SRL: variants seen among roughly 807,000 people sequenced by gnomAD.
The protein encoded by SRL is sarcalumenin.
In SRL, 23 loss-of-function variants were observed where a neutral mutation model predicts 39.5. The ratio of observed to expected loss-of-function variants is 0.58; its 90% confidence interval spans 0.42 to 0.82. SRL has a LOEUF of 0.82. Ranked by LOEUF, SRL falls within the 40% of genes least tolerant of loss-of-function variation. The probability of loss-of-function intolerance (pLI) is 0.00; values close to 1 mark genes in which losing one functional copy is unlikely to be tolerated. For missense variants in SRL, 592 were observed against 607.8 expected (o/e 0.97, Z 0.27); for synonymous variants, 272 against 237.4 (o/e 1.15, Z -1.34).
At chr16:4,216,723 G>A (rs2052464930) in intron 1 of SRL, among the ~76,000 whole-genome samples, 1 of 152,178 alleles carries the variant, frequency 6.6e-6, no homozygotes, top group South Asian at 2.1e-4. Context: ...AATCCTTGCA[G>A]AAGGCCTTGG....
Position 4,195,739 on chromosome 16 carries a change from T to A in SRL, c.424A>T (p.Lys142Ter). ...ACGATGCCCTCGATGGTTTTCAGCT[T>A]AGGCCCATGCATGAGGACCGTGAAC... is the stretch of plus-strand genomic sequence containing the variant. The part of the protein sequence containing the change: ...SEFTVLMHGP[K>*]LKTIEGIVMA... The change falls in exon 5 of 6, where the codon AAG becomes TAG. Residue 142 changes from lysine to a stop codon, truncating the protein, a stop_gained. Coordinates refer to ENST00000399609, the MANE Select transcript of SRL (RefSeq NM_001098814.2). LOFTEE classifies it high-confidence loss of function. 1.2e-6 allele frequency: 2 copies of A among 1,614,058 alleles called. No individual in the cohort carries two copies. The highest frequency in any genetic ancestry group is 2.2e-5 in the South Asian group (2 of 91,082).
chr16:4,203,126 ACC>A lies in SRL; in HGVS notation c.259+38_259+39del, dbSNP rs759218425. On this transcript the variant is annotated intron_variant, in intron 3 of 5. Transcript: ENST00000399609. ...GGCCCCGCCGACAGGCCTGCGCCGTACCCGTAATCTCAAGCCCTACCTGTTAT... is the reference window on the plus strand; with the variant it reads ...GGCCCCGCCGACAGGCCTGCGCCGTACGTAATCTCAAGCCCTACCTGTTAT... The A allele has an allele frequency of 1.9e-6, 3 of 1,577,954 alleles. No individual in the cohort carries two copies. The South Asian group carries it at 3.3e-5, about 17-fold the overall frequency.
chr16:4,204,535 G>A lies in SRL; in HGVS notation c.161C>T (p.Ser54Phe), dbSNP rs754152552. 1.3e-6 allele frequency: 2 copies of A among 1,529,658 alleles called. No individual in the cohort carries two copies. The highest frequency in any genetic ancestry group is 2.5e-5 in the East Asian group (1 of 40,484). 94.8% of individuals were successfully genotyped at this position (1,529,658 alleles called of 1,614,324 possible). A position where few individuals can be genotyped will look rare whatever the true frequency, so the allele number is the denominator to read the frequency against. The stretch of plus-strand genomic sequence containing the variant: ...GCATATCTCCCTCCCCTGGTTACCA[G>A]AGTAGTCATCGGATGGCTTGTCCTC... The part of the protein sequence containing the change: ...LNEDKPSDDY[S>F]AVLQRLRKIY... The change falls in exon 2 of 6, where the codon TCT becomes TTT. Residue 54 changes from serine (S) to phenylalanine (F), a missense_variant and splice_region_variant. Physicochemically the swap from Ser to Phe is radical, Grantham distance 155. Transcript: ENST00000399609.
chr16:4,216,788 G>C (rs926189607), intron 1 of SRL, among the ~76,000 whole-genome samples: 1 of 152,170 alleles, frequency 6.6e-6, no homozygotes, highest in East Asian at 1.9e-4. Context: ...AAAGGAAGGG[G>C]AAAGGGATGC....
chr16:4,223,434 G>T (rs1481752958), intron 1 of SRL, among the ~76,000 whole-genome samples: 1 of 151,962 alleles, frequency 6.6e-6, no homozygotes, highest in Non-Finnish European at 1.5e-5. Context: ...CTGGAGTGCA[G>T]TGGTGCAATC....
chr16:4,206,985 CCA>C (rs2052328149), intron 1 of SRL: 1 of 455,270 alleles, frequency 2.2e-6, no homozygotes, highest in Non-Finnish European at 4.4e-6. Flanking sequence ...CTGTGGCGCT[CCA>C]CCTTCCTGGG....
chr16:4,218,667 TAGC>T (rs1427736028), intron 1 of SRL, among the ~76,000 whole-genome samples: 1 of 152,138 alleles, frequency 6.6e-6, no homozygotes, highest in Non-Finnish European at 1.5e-5. Context: ...CTGTCCCCAT[TAGC>T]AGAGCAGGTG....
At chr16:4,229,029 T>G (rs2052629424) in intron 1 of SRL, among the ~76,000 whole-genome samples, 1 of 152,038 alleles carries the variant, frequency 6.6e-6, no homozygotes, top group Admixed American at 6.5e-5. Context: ...CACACACTTA[T>G]GTGTTCACTG....
rs770269996 is a variant in SRL, at chr16:4,190,650, C to T, written c.*1503G>A. On this transcript the variant is annotated 3_prime_UTR_variant, in exon 6 of 6. Transcript: ENST00000399609. ...TCCCTAATCTCTCTTGGACAACATACACACATATTCACACTTATTGGTATT... is the reference window on the plus strand; with the variant it reads ...TCCCTAATCTCTCTTGGACAACATATACACATATTCACACTTATTGGTATT... 5.0e-6 allele frequency: 2 copies of T among 396,462 alleles called. No homozygotes were observed. Among genetic ancestry groups the T allele is most frequent in the Non-Finnish European group, 8.9e-6 (2 of 225,134 alleles). The allele number at this position is 396,462 out of a possible 1,614,324, so 24.6% of individuals were successfully genotyped here.
intron 1 of SRL, among the ~76,000 whole-genome samples, chr16:4,236,189 T>A (rs2052712091): frequency 6.6e-6 from 1 of 152,086 alleles, no homozygotes; most frequent in African/African-American, 2.4e-5. Context: ...TTTTTAAAGG[T>A]TTCTATGTCT....
chr16:4,196,951 A>G (rs1487921520), intron 4 of SRL, among the ~76,000 whole-genome samples: 1 of 151,540 alleles, frequency 6.6e-6, no homozygotes, highest in Admixed American at 6.6e-5. Context: ...TGATCCTTTC[A>G]TCCATTGATG....
chr16:4,214,633 T>C (rs1253132345), intron 1 of SRL, among the ~76,000 whole-genome samples: 1 of 152,056 alleles, frequency 6.6e-6, no homozygotes, highest in African/African-American at 2.4e-5. Context: ...GCCTGCCCCC[T>C]TCCTTGTTCT....
chr16:4,193,932 A>G (rs2052099600), intron 5 of SRL, among the ~76,000 whole-genome samples: 1 of 149,910 alleles, frequency 6.7e-6, no homozygotes, highest in Admixed American at 6.7e-5. Flanking sequence ...TAATAATATA[A>G]TTAAATATAC....
chr16:4,228,043 G>A (rs1408053185), intron 1 of SRL, among the ~76,000 whole-genome samples: 1 of 152,232 alleles, frequency 6.6e-6, no homozygotes, highest in Non-Finnish European at 1.5e-5. Flanking sequence ...GCTGTGGTTA[G>A]GACAGTGGGA....
intron 4 of SRL, among the ~76,000 whole-genome samples, chr16:4,197,209 C>T (rs958350057): frequency 9.3e-5 from 14 of 151,052 alleles, no homozygotes; most frequent in South Asian, 4.2e-4. Context: ...GCTGGGACTA[C>T]AGGCACCCGC....
chr16:4,236,775 C>G (rs1302577238), intron 1 of SRL, among the ~76,000 whole-genome samples: 1 of 152,108 alleles, frequency 6.6e-6, no homozygotes, highest in Non-Finnish European at 1.5e-5. Context: ...TCCCGAGTAG[C>G]TGGGATTACA....
intron 4 of SRL, among the ~76,000 whole-genome samples, chr16:4,196,471 CTTTTTTTTT>C (rs35980213): frequency 8.1e-6 from 1 of 123,746 alleles, no homozygotes; most frequent in African/African-American, 3.1e-5. Flanking sequence ...ATTTTGCCTT[CTTTTTTTTT>C]TTTTTTTTTT....
chr16:4,232,025 C>A (rs529725465), intron 1 of SRL, among the ~76,000 whole-genome samples: 21 of 152,182 alleles, frequency 1.4e-4, no homozygotes, highest in Non-Finnish European at 2.9e-4. Context: ...TGTGACAAAA[C>A]CAGCATTTGC....
At chr16:4,204,136 C>T (rs1483456274) in intron 2 of SRL, among the ~76,000 whole-genome samples, 2 of 152,246 alleles carry the variant, frequency 1.3e-5, no homozygotes, top group African/African-American at 2.4e-5. Context: ...AGGAGACAAG[C>T]CCTGCTGCAA....
Sources: allele counts gnomAD v4.1 joint callset (sites outside exome capture counted in the v4.1 genomes callset), GRCh38; gene constraint gnomAD v4.1.1; transcripts MANE v1.5; gene names NCBI Gene and HGNC (gene_info 2026-07-23, HGNC 2026-07-21).